The following DMD variants were observed in gnomAD, a reference collection of about 807,000 sequenced individuals.
DMD encodes dystrophin.
DMD carries 63 observed loss-of-function variants against 330.1 expected under a neutral mutation model. That is an observed-to-expected ratio of 0.19 (90% CI 0.16 to 0.24). The LOEUF (loss-of-function observed/expected upper bound fraction) is 0.24, where lower values mean the gene tolerates loss of function less well. DMD is among the 10% of genes least tolerant of loss of function. The pLI, the probability that DMD is intolerant of heterozygous loss-of-function variation, is 1.00. For synonymous variants in DMD, 1,223 were observed against 959.8 expected (o/e 1.27, Z -5.07); for missense variants, 3,344 against 2,684.1 (o/e 1.25, Z -5.43).
intron 67 of DMD, among the ~76,000 whole-genome samples, chrX:31,187,164 C>T (rs765656460): frequency 2.1e-4 from 24 of 112,526 alleles, no homozygotes; most frequent in Non-Finnish European, 3.9e-4. Flanking sequence ...TTTATGATTA[C>T]GTGAGTCAGC....
chrX:32,135,595 C>T (rs1248734050), intron 44 of DMD, among the ~76,000 whole-genome samples: 1 of 111,287 alleles, frequency 9.0e-6, no homozygotes, highest in African/African-American at 3.3e-5. Context: ...TGGTGGCGTG[C>T]GCCAGTAGCC....
intron 50 of DMD, among the ~76,000 whole-genome samples, chrX:31,817,473 T>G (rs1165976639): frequency 8.9e-6 from 1 of 111,785 alleles, no homozygotes; most frequent in East Asian, 2.8e-4. Flanking sequence ...CCTTTTGTTT[T>G]TTTTTTCATT....
intron 1 of DMD, among the ~76,000 whole-genome samples, chrX:33,139,999 A>C (rs2047720044): frequency 9.0e-6 from 1 of 111,230 alleles, no homozygotes; most frequent in South Asian, 3.8e-4. Flanking sequence ...GCTTTAAGGG[A>C]CAGTGGTTCT....
chrX:32,915,223 T>G (rs949042916), intron 2 of DMD, among the ~76,000 whole-genome samples: 6 of 111,722 alleles, frequency 5.4e-5, no homozygotes, highest in African/African-American at 1.6e-4. Flanking sequence ...AGTTGGTGGT[T>G]AAGTGGAGAT....
intron 47 of DMD, among the ~76,000 whole-genome samples, chrX:31,907,128 C>A (rs923343994): frequency 8.9e-6 from 1 of 111,786 alleles, no homozygotes; most frequent in Non-Finnish European, 1.9e-5. Context: ...TTGGGTCTCC[C>A]AGTAGCAAAC....
chrX:31,968,952 T>C (rs1327990506), intron 44 of DMD, among the ~76,000 whole-genome samples: 2 of 110,406 alleles, frequency 1.8e-5, no homozygotes, highest in East Asian at 5.7e-4. Flanking sequence ...AGAACAAACA[T>C]AGGTTAGTCA....
At chrX:33,095,409 A>G (rs1186444201) in intron 1 of DMD, among the ~76,000 whole-genome samples, 1 of 112,222 alleles carries the variant, frequency 8.9e-6, no homozygotes, top group African/African-American at 3.2e-5. Context: ...ATATTAAAAC[A>G]ATCTTTTTAT....
At chrX:33,083,074 G>C (rs1473859946) in intron 1 of DMD, among the ~76,000 whole-genome samples, 1 of 111,610 alleles carries the variant, frequency 9.0e-6, no homozygotes, top group East Asian at 2.8e-4. Context: ...CCAGAAACTT[G>C]ACTGATAAGA....
intron 7 of DMD, among the ~76,000 whole-genome samples, chrX:32,728,002 T>C (rs368876787): frequency 1.8e-5 from 2 of 111,755 alleles, no homozygotes. Context: ...TACATGCATT[T>C]TATATTTTTT....
In DMD at chrX:32,755,439, G is replaced by A. The variant is rs2071387552; in HGVS notation, c.649+54054C>T. ...ATATAGCTGTATTCTAAATCTTTTT[G>A]GTAAGAATCCCTGAAATGTATTCTG... On this transcript the variant is annotated intron_variant, in intron 7 of 78. Coordinates refer to ENST00000357033, the MANE Select transcript of DMD (RefSeq NM_004006.3). 2.7e-5 allele frequency among the ~76,000 whole-genome samples: 3 copies of A among 111,229 alleles called. No individual in the cohort carries two copies. The Admixed American group carries it at 2.9e-4, about 11-fold the overall frequency.
chrX:32,782,094 A>G (rs1166993298), intron 7 of DMD, among the ~76,000 whole-genome samples: 1 of 111,994 alleles, frequency 8.9e-6, no homozygotes, highest in African/African-American at 3.2e-5. Flanking sequence ...AATTTTGAAT[A>G]CAATCTAATG....
intron 1 of DMD, among the ~76,000 whole-genome samples, chrX:33,230,965 A>T (rs5972784): frequency 0.094 from 9,759 of 104,085 alleles, 420 homozygotes; most frequent in African/African-American, 0.21. Context: ...GCCAAAAAAA[A>T]AAAAAAATAA....
intron 77 of DMD, among the ~76,000 whole-genome samples, chrX:31,128,352 A>T (rs992343387): frequency 9.0e-6 from 1 of 111,309 alleles, no homozygotes; most frequent in Non-Finnish European, 1.9e-5. Flanking sequence ...GTGAATTGGT[A>T]AAGTAGTAGT....
At chrX:33,316,579 T>C (rs771808913) in intron 1 of DMD, among the ~76,000 whole-genome samples, 1 of 111,811 alleles carries the variant, frequency 8.9e-6, no homozygotes, top group South Asian at 3.7e-4. Context: ...TTGAAAATGA[T>C]AGTTTCCTTC....
At position 32,819,731 on chromosome X, in the gene DMD, C is replaced by T. The variant is rs1396771832; in HGVS notation, c.358-3091G>A. 3.0e-4 allele frequency among the ~76,000 whole-genome samples: 33 copies of T among 109,205 alleles called. No homozygotes were observed. In the Admixed American group the frequency reaches 3.3e-3, roughly 11 times the overall value. The allele number at this position is 109,205 out of a possible 115,157, so 94.8% of individuals were successfully genotyped here. On this transcript the variant is annotated intron_variant, in intron 5 of 78. Coordinates refer to ENST00000357033, the MANE Select transcript of DMD (RefSeq NM_004006.3). ...GCCAACATGGTTCTATCTGTAAATG[C>T]CGCTCGTTATCTGATAGATCTAGAA...
At chrX:31,902,564 C>A (rs1281340419) in intron 47 of DMD, among the ~76,000 whole-genome samples, 1 of 111,240 alleles carries the variant, frequency 9.0e-6, no homozygotes, top group Admixed American at 9.6e-5. Flanking sequence ...GTAGGCAAAG[C>A]GATATAAGAG....
chrX:32,399,594 G>A (rs1438262122), intron 30 of DMD, among the ~76,000 whole-genome samples: 1 of 111,064 alleles, frequency 9.0e-6, no homozygotes, highest in African/African-American at 3.3e-5. Flanking sequence ...ATGTTGGCGA[G>A]GATATGGAGA....
chrX:31,577,382 C>T (rs183517303), intron 55 of DMD, among the ~76,000 whole-genome samples: 7 of 112,206 alleles, frequency 6.2e-5, no homozygotes, highest in Non-Finnish European at 1.1e-4. Context: ...ATTATAACAA[C>T]ATCAATCAGG....
At chrX:32,973,915 A>T (rs2092463730) in intron 2 of DMD, among the ~76,000 whole-genome samples, 1 of 111,475 alleles carries the variant, frequency 9.0e-6, no homozygotes, top group Non-Finnish European at 1.9e-5. Context: ...TTGATTAAAA[A>T]AAGGCACGTC....
Sources: gnomAD v4.1 joint callset for allele counts (sites outside exome capture counted in the v4.1 genomes callset) on GRCh38, gnomAD v4.1.1 for gene constraint, MANE v1.5 for transcripts, NCBI Gene and HGNC (gene_info 2026-07-23, HGNC 2026-07-21) for gene names.